The following DDC variants were observed in gnomAD, a reference collection of about 807,000 sequenced individuals.
DDC encodes dopa decarboxylase, also known as aromatic-L-amino-acid decarboxylase.
In DDC, 43 loss-of-function variants were observed where a neutral mutation model predicts 60.0. The ratio of observed to expected loss-of-function variants is 0.72; its 90% confidence interval spans 0.56 to 0.92. The LOEUF (loss-of-function observed/expected upper bound fraction) is 0.92. DDC is among the 40% of genes least tolerant of loss of function. The pLI is 0.00. For missense variants in DDC, 573 were observed against 620.2 expected (o/e 0.92, Z 0.81); for synonymous variants, 232 against 234.6 (o/e 0.99, Z 0.10).
chr7:50,541,654 A>C (rs1445494962), intron 2 of DDC, among the ~76,000 whole-genome samples: 5 of 152,110 alleles, frequency 3.3e-5, no homozygotes, highest in African/African-American at 1.2e-4. Flanking sequence ...ACCTGAACCT[A>C]ATATCTTGAT....
intron 6 of DDC, among the ~76,000 whole-genome samples, chr7:50,510,165 A>C (rs532876494): frequency 8.6e-5 from 13 of 151,920 alleles, no homozygotes; most frequent in Middle Eastern, 3.4e-3. Flanking sequence ...TCAGTAGAGA[A>C]GGGGTTTCAC....
At chr7:50,499,829 G>T (rs2043208949) in intron 7 of DDC, among the ~76,000 whole-genome samples, 2 of 152,182 alleles carry the variant, frequency 1.3e-5, no homozygotes, top group African/African-American at 2.4e-5. Flanking sequence ...TTCAGGAGCT[G>T]GGAGAGCCAC....
At chr7:50,509,145 G>A (rs1585204166) in intron 6 of DDC, among the ~76,000 whole-genome samples, 1 of 152,020 alleles carries the variant, frequency 6.6e-6, no homozygotes, top group East Asian at 1.9e-4. Context: ...TGAGGAAAGG[G>A]ACCATGGCTC....
At chr7:50,554,080 C>T (rs1199570238) in intron 1 of DDC, among the ~76,000 whole-genome samples, 2 of 152,214 alleles carry the variant, frequency 1.3e-5, no homozygotes, top group Non-Finnish European at 2.9e-5. Flanking sequence ...CCTCCAGCTA[C>T]ACCACCAAGT....
intron 1 of DDC, among the ~76,000 whole-genome samples, chr7:50,559,420 G>A (rs1408970957): frequency 7.0e-6 from 1 of 143,766 alleles, no homozygotes; most frequent in Non-Finnish European, 1.5e-5. Context: ...CAAAACATCA[G>A]AACATTTCTT....
chr7:50,541,393 G>GCTGCT (rs2044625570), intron 2 of DDC: 1 of 152,252 alleles, frequency 6.6e-6, no homozygotes, highest in South Asian at 2.1e-4. Context: ...ATCGGGCTTG[G>GCTGCT]CTGCTCTGCT....
intron 14 of DDC, among the ~76,000 whole-genome samples, chr7:50,462,770 T>G (rs1246814224): frequency 8.6e-5 from 2 of 23,192 alleles, no homozygotes; most frequent in Non-Finnish European, 2.5e-4. Context: ...TTCTTCTTGT[T>G]TTTTTTTTTT....
At chr7:50,555,762 A>G (rs1467670042) in intron 1 of DDC, among the ~76,000 whole-genome samples, 1 of 152,168 alleles carries the variant, frequency 6.6e-6, no homozygotes. Flanking sequence ...CCTTTAACAG[A>G]TGAGAAGACC....
chr7:50,504,898 C>A (rs1297034073), intron 6 of DDC, among the ~76,000 whole-genome samples: 1 of 152,222 alleles, frequency 6.6e-6, no homozygotes. Flanking sequence ...TATCATTTAC[C>A]AGCTTTAATC....
intron 9 of DDC, 23 bp from the exon 10 acceptor site, chr7:50,479,886 A>T (rs11575457): frequency 1.6e-5 from 26 of 1,606,668 alleles, no homozygotes; most frequent in African/African-American, 5.4e-5. Context: ...AACAAATGAA[A>T]GGGCTGATAA....
chr7:50,487,444 T>C (rs747487927), intron 9 of DDC, among the ~76,000 whole-genome samples: 1 of 152,114 alleles, frequency 6.6e-6, no homozygotes, highest in African/African-American at 2.4e-5. Flanking sequence ...CTTAAGAAAA[T>C]GTATTTTTCT....
intron 7 of DDC, 114 bp downstream of exon 7, chr7:50,503,879 G>A (rs1291301809): frequency 1.2e-6 from 1 of 825,558 alleles, no homozygotes; most frequent in African/African-American, 1.7e-5. Flanking sequence ...GAAGAGCTGG[G>A]CAAACCATCA....
chr7:50,508,022 G>A (rs966699555), intron 6 of DDC, among the ~76,000 whole-genome samples: 1 of 152,216 alleles, frequency 6.6e-6, no homozygotes, highest in African/African-American at 2.4e-5. Context: ...GCCACATGCT[G>A]GGCAAACAGG....
At chr7:50,509,884 T>TA (rs919222672) in intron 6 of DDC, among the ~76,000 whole-genome samples, 7 of 152,196 alleles carry the variant, frequency 4.6e-5, no homozygotes, top group African/African-American at 7.2e-5. Flanking sequence ...TCTCTTTCAT[T>TA]AAGTAATTTC....
At chr7:50,470,329 G>A (rs377669209) in intron 11 of DDC, among the ~76,000 whole-genome samples, 158 bp from the exon 12 acceptor site, 5 of 152,194 alleles carry the variant, frequency 3.3e-5, no homozygotes, top group Admixed American at 6.5e-5. Flanking sequence ...CAGGGCCCTC[G>A]GTGATGTGGG....
chr7:50,510,960 G>T (rs1456214939), intron 6 of DDC, among the ~76,000 whole-genome samples: 2 of 113,536 alleles, frequency 1.8e-5, no homozygotes, highest in Non-Finnish European at 3.3e-5. Flanking sequence ...CGGCCTGGGC[G>T]AAAGAGCGAG....
chr7:50,495,255 A>T, intron 9 of DDC, 95 bp downstream of exon 9: 1 of 865,348 alleles, frequency 1.2e-6, no homozygotes, highest in Non-Finnish European at 2.0e-6. Context: ...GAGCTAAGTG[A>T]CTATTGCACC....
chr7:50,486,186 G>T (rs1301499847), intron 9 of DDC, among the ~76,000 whole-genome samples: 1 of 152,174 alleles, frequency 6.6e-6, no homozygotes, highest in African/African-American at 2.4e-5. Context: ...TCATTCTCCA[G>T]CTTCTATATC....
chr7:50,503,942 C>T (rs1198470872), intron 7 of DDC, 51 bp downstream of exon 7: 24 of 1,309,522 alleles, frequency 1.8e-5, no homozygotes, highest in Non-Finnish European at 2.7e-5. Flanking sequence ...TTGCTAAATT[C>T]CCCGTGTACA....
Sources: gnomAD v4.1 joint callset for allele counts (sites outside exome capture counted in the v4.1 genomes callset) on GRCh38, gnomAD v4.1.1 for gene constraint, MANE v1.5 for transcripts, NCBI Gene and HGNC (gene_info 2026-07-23, HGNC 2026-07-21) for gene names.